SPTBN5: variants seen among roughly 807,000 people sequenced by gnomAD.
SPTBN5 encodes the protein spectrin beta, non-erythrocytic 5, also known as spectrin beta chain, non-erythrocytic 5.
A neutral mutation model predicts 477.6 loss-of-function variants in SPTBN5; 513 were observed. The observed-to-expected ratio is 1.07, with a 90% confidence interval of 1.00 to 1.16. SPTBN5 has a LOEUF of 1.16. Ranked by LOEUF, SPTBN5 falls within the 50% of genes most tolerant of loss-of-function variation. The pLI is 0.00. For synonymous variants in SPTBN5, 2,169 were observed against 2,011.7 expected (o/e 1.08, Z -2.09); for missense variants, 5,062 against 4,731.8 (o/e 1.07, Z -2.05).
At chr15:41,864,383 A>G (rs761407269) in intron 39 of SPTBN5, among the ~76,000 whole-genome samples, 9 of 152,160 alleles carry the variant, frequency 5.9e-5, no homozygotes, top group Non-Finnish European at 1.2e-4. Flanking sequence ...GCACAATCTC[A>G]GCTCACTGCA....
At chr15:41,850,732 C>G in intron 66 of SPTBN5, 122 bp downstream of exon 66, 1 of 860,898 alleles carries the variant, frequency 1.2e-6, no homozygotes, top group African/African-American at 1.7e-5. Flanking sequence ...GTAAGTCCCA[C>G]TTCTTGGAGG....
chr15:41,848,638 A>G lies in SPTBN5; in HGVS notation c.11013-10T>C. On this transcript the variant is annotated splice_polypyrimidine_tract_variant and intron_variant, in intron 67 of 67. Transcript: ENST00000320955. ...ACCTCAGGGATCAGACCTGTTGGGAAAACGGAATGAATTTAGTAGGGTATG... is the reference window on the plus strand; with the variant it reads ...ACCTCAGGGATCAGACCTGTTGGGAGAACGGAATGAATTTAGTAGGGTATG... The G allele has an allele frequency of 6.2e-7, 1 of 1,613,844 alleles. No homozygotes were observed. The highest frequency in any genetic ancestry group is 8.5e-7 in the Non-Finnish European group (1 of 1,179,806).
In SPTBN5 at chr15:41,856,529, C is replaced by A. The variant is rs2065933865; in HGVS notation, c.8878G>T (p.Val2960Leu). Residue 2960 changes from valine (V) to leucine (L), a missense_variant, in exon 53 of 68, where the codon GTG becomes TTG. Transcript: ENST00000320955. ...RVVLGTGYKL[V>L]QAGHFAAHEV... ...TGGGCGGCAAAGTGCCCAGCCTGCA[C>A]CAGCTTGTACCCAGTGCCCAGCACC... 2 of 1,601,944 alleles carry A rather than the reference C, an allele frequency of 1.2e-6. No homozygotes were observed. The highest frequency in any genetic ancestry group is 2.7e-5 in the African/African-American group (2 of 74,660).
Position 41,867,522 on chromosome 15 carries a change from C to T in SPTBN5, c.6312+16G>A. 1.2e-6 allele frequency: 2 copies of T among 1,612,306 alleles called. No individual in the cohort carries two copies. The highest frequency in any genetic ancestry group is 1.7e-6 in the Non-Finnish European group (2 of 1,178,558). ...CACCACACTCTGACCACGCCCAGGC[C>T]TCCTGACTCCATTACCTTCTTGTCC... On this transcript the variant is annotated intron_variant, in intron 35 of 67. Transcript: ENST00000320955.
rs777193635 is a variant in SPTBN5, at chr15:41,851,789, C to T, written c.10646G>A (p.Gly3549Asp). ...SLEFKQHLLP[G>D]GRQPSSSSWD... is the part of the protein sequence containing the mutation. ...TCTCCAGGCACTCACCTGCCTCCCG[C>T]CAGGCAGCAGGTGCTGCTTGAACTC... is the stretch of plus-strand genomic sequence containing the variant. Residue 3549 changes from glycine (G) to aspartate (D), a missense_variant, in exon 63 of 68, where the codon GGC becomes GAC. Gly to Asp is a moderately conservative substitution (Grantham distance 94). Transcript: ENST00000320955. The T allele has an allele frequency of 5.0e-6, 8 of 1,609,328 alleles. No individual in the cohort carries two copies. Among genetic ancestry groups the T allele is most frequent in the Admixed American group, 3.3e-5 (2 of 59,890 alleles).
Position 41,854,090 on chromosome 15 carries a change from G to T in SPTBN5, c.9734C>A (p.Ser3245Ter). Reference sequence around the variant, plus strand: ...CTGTTGCTGCAGGGTCCGCACAGATGACAGGCTGTGGCCTCCGTCCTCCCC... The same window carrying T: ...CTGTTGCTGCAGGGTCCGCACAGATTACAGGCTGTGGCCTCCGTCCTCCCC... The part of the protein sequence containing the change: ...MKGEDGGHSL[S>*]SVRTLQQQHR... Residue 3245 changes from serine to a stop codon, truncating the protein, a stop_gained, in exon 57 of 68, where the codon TCA (serine) becomes TAA (stop). Coordinates refer to ENST00000320955, the MANE Select transcript of SPTBN5 (RefSeq NM_016642.4). LOFTEE classifies it high-confidence loss of function. The T allele has an allele frequency of 6.3e-7, 1 of 1,581,006 alleles. No individual in the cohort carries two copies.
chr15:41,860,443 G>T (rs2066067149), intron 47 of SPTBN5, 143 bp downstream of exon 47: 2 of 878,262 alleles, frequency 2.3e-6, no homozygotes, highest in South Asian at 4.3e-5. Flanking sequence ...GGGGTGGTGG[G>T]GACCCCCGGC....
intron 54 of SPTBN5, 39 bp from the exon 55 acceptor site, chr15:41,855,467 C>G: frequency 1.8e-5 from 28 of 1,591,304 alleles, no homozygotes; most frequent in Non-Finnish European, 2.4e-5. Context: ...GCAGCCCTGC[C>G]TTTCCAGGCT....
intron 23 of SPTBN5, 59 bp from the exon 24 acceptor site, chr15:41,874,537 G>T: frequency 7.1e-7 from 1 of 1,417,686 alleles, no homozygotes; most frequent in Non-Finnish European, 9.4e-7. Context: ...AAGGCTCCTG[G>T]TTCTTTCCTT....
intron 66 of SPTBN5, 33 bp from the exon 67 acceptor site, chr15:41,849,992 G>A (rs571831407): frequency 1.4e-5 from 22 of 1,533,230 alleles, no homozygotes; most frequent in South Asian, 9.5e-5. Flanking sequence ...CTGTTAGCCC[G>A]GCCCAGACCA....
In SPTBN5 at chr15:41,870,025, G is replaced by A. The variant is rs781059978; in HGVS notation, c.5674-5C>T. 1.8e-5 allele frequency: 26 copies of A among 1,475,934 alleles called. No homozygotes were observed. The highest frequency in any genetic ancestry group is 9.9e-5 in the African/African-American group (7 of 70,560). 91.4% of individuals were successfully genotyped at this position (1,475,934 alleles called of 1,614,324 possible). The stretch of plus-strand genomic sequence containing the variant: ...AGTCTCCAGCAGTTCCTGCAGCTGC[G>A]GGAGGGGCAGGGAATAGGGAGGCAA... On this transcript the variant is annotated splice_region_variant and splice_polypyrimidine_tract_variant and intron_variant, in intron 31 of 67. Transcript: ENST00000320955.
rs376062479 is a variant in SPTBN5 at position 41,874,234 on chromosome 15, G to A, written c.4689+58C>T. 77 of 1,561,384 alleles carry A rather than the reference G, an allele frequency of 4.9e-5. 1 individual carries two copies. The highest frequency in any genetic ancestry group is 2.6e-4 in the African/African-American group (19 of 73,850). ...CAGGACACCTGAGTAGGGGCAGAGG[G>A]TTTCTAAGGTCTGGGAAGCGGATGT... On this transcript the variant is annotated intron_variant, in intron 24 of 67. Transcript: ENST00000320955.
rs1055607773 is a variant in SPTBN5 at position 41,852,582 on chromosome 15, A to T, written c.10449+52T>A. 2.5e-5 allele frequency: 39 copies of T among 1,560,294 alleles called. No homozygotes were observed. In the Middle Eastern group the frequency reaches 6.7e-4, roughly 27 times the overall value. ...CTGGGAGACACTGACTTGCAGGCTG[A>T]GAGGGACTGTTCCCCCACCAGCCCT... is the stretch of plus-strand genomic sequence containing the variant. On this transcript the variant is annotated intron_variant, in intron 61 of 67. Transcript: ENST00000320955.
Position 41,854,790 on chromosome 15 carries a change from G to A in SPTBN5, c.9610C>T (p.Arg3204Cys), listed in dbSNP as rs541049838. 54 of 1,540,252 alleles carry A rather than the reference G, an allele frequency of 3.5e-5. No homozygotes were observed. Among genetic ancestry groups the A allele is most frequent in the Admixed American group, 6.2e-5 (3 of 48,360 alleles). Reference sequence around the variant, plus strand: ...GGCCTGTGATCACCTACCTCTGTGCGGGCTTTTATTGCTTGGTCCAACCTC... The same window carrying A: ...GGCCTGTGATCACCTACCTCTGTGCAGGCTTTTATTGCTTGGTCCAACCTC... ...WERLDQAIKA[R>C]TENLAAAHEV... The change falls in exon 56 of 68, where the codon CGC (arginine) becomes TGC (cysteine). Residue 3204 changes from arginine (R) to cysteine (C), a missense_variant. Physicochemically the swap from Arg to Cys is radical, Grantham distance 180 (BLOSUM62 -3). Transcript: ENST00000320955.
chr15:41,855,086 T>G lies in SPTBN5; in HGVS notation c.9424-110A>C. ...GGCTCTGAAATCCCTCAGCCCAGGT[T>G]CTGGAACCATCGGGATCCTCCCTAG... is the stretch of plus-strand genomic sequence containing the variant. On this transcript the variant is annotated intron_variant, in intron 55 of 67. Transcript: ENST00000320955. 2.8e-6 allele frequency: 4 copies of G among 1,437,528 alleles called. No homozygotes were observed. The South Asian group carries it at 5.6e-5, about 20-fold the overall frequency. The allele number at this position is 1,437,528 out of a possible 1,614,324, so 89.0% of individuals were successfully genotyped here.
At chr15:41,855,008 T>C (rs1648826) in intron 55 of SPTBN5, 32 bp from the exon 56 acceptor site, 1,332,048 of 1,508,586 alleles carry the variant, frequency 0.88, 589,152 homozygotes, top group East Asian at 1. Context: ...CAGGGTCACT[T>C]GAGATGGTAT....
At position 41,857,275 on chromosome 15, in the gene SPTBN5, G is replaced by A. The variant is rs761308075; in HGVS notation, c.8584C>T (p.Gln2862Ter). ...AFVREGHCLA[Q>*]DVEEQARRLL... ...CGCCGGGCCTGCTCTTCCACATCTTGGGCAAGGCAGTGGCCTTCCCTCACA... is the reference window on the plus strand; with the variant it reads ...CGCCGGGCCTGCTCTTCCACATCTTAGGCAAGGCAGTGGCCTTCCCTCACA... Residue 2862 changes from glutamine to a stop codon, truncating the protein, a stop_gained, in exon 51 of 68, where the codon CAA becomes TAA. Transcript: ENST00000320955. LOFTEE classifies it high-confidence loss of function. 34 of 1,574,514 alleles carry A rather than the reference G, an allele frequency of 2.2e-5. No individual in the cohort carries two copies. Among genetic ancestry groups the A allele is most frequent in the East Asian group, 9.4e-5 (4 of 42,660 alleles).
rs1230983158 is a variant in SPTBN5 at position 41,852,211 on chromosome 15, C to T, written c.10555G>A (p.Ala3519Thr). The change falls in exon 62 of 68, where the codon GCA (alanine) becomes ACA (threonine). Residue 3519 changes from alanine to threonine, a missense_variant. Coordinates refer to ENST00000320955, the MANE Select transcript of SPTBN5 (RefSeq NM_016642.4). ...GGGTCCCTCGTCTCAGCCAGCTGTG[C>T]TCCTAGCCCCTGGTGTCCAGAGGGC... is the stretch of plus-strand genomic sequence containing the variant. The part of the protein sequence containing the change: ...WRPSGHQGLG[A>T]QLAETRDPQD... The T allele has an allele frequency of 1.9e-6, 3 of 1,605,650 alleles. No homozygotes were observed. The highest frequency in any genetic ancestry group is 2.7e-5 in the African/African-American group (2 of 74,780).
Position 41,883,491 on chromosome 15 carries a change from A to C in SPTBN5, c.1521-5T>G. On this transcript the variant is annotated splice_polypyrimidine_tract_variant and splice_region_variant and intron_variant, in intron 7 of 67. Transcript: ENST00000320955. ...CGCACGGTAACTTCCTCCTGCCTAG[A>C]GGATATGAGAATAAGGGAGATCTCC... The C allele has an allele frequency of 6.2e-7, 1 of 1,613,332 alleles. No homozygotes were observed.
Sources: gnomAD v4.1 joint callset for allele counts (sites outside exome capture counted in the v4.1 genomes callset) on GRCh38, gnomAD v4.1.1 for gene constraint, MANE v1.5 for transcripts, NCBI Gene and HGNC (gene_info 2026-07-23, HGNC 2026-07-21) for gene names.